Variants in CST3 observed in about 807,000 individuals in gnomAD.
CST3 encodes the protein cystatin C, also known as cystatin-C.
A neutral mutation model predicts 9.0 loss-of-function variants in CST3; 14 were observed. That is an observed-to-expected ratio of 1.56 (90% CI 1.03 to 2.44). The LOEUF (loss-of-function observed/expected upper bound fraction) is 2.44. CST3 is among the 30% of genes most tolerant of loss of function. The pLI, the probability that CST3 is intolerant of heterozygous loss-of-function variation, is 0.00. For missense variants in CST3, 237 were observed against 204.3 expected (o/e 1.16, Z -0.98); for synonymous variants, 96 against 90.2 (o/e 1.06, Z -0.37).
At chr20:23,637,369 C>CGCCA (rs564232075) in intron 1 of CST3, among the ~76,000 whole-genome samples, 290 of 152,334 alleles carry the variant, frequency 1.9e-3, no homozygotes, top group African/African-American at 6.8e-3. Context: ...GCAGCTCGAG[C>CGCCA]TGGCTCCTGG....
At position 23,635,505 on chromosome 20, in the gene CST3, C is replaced by G. The variant is rs1170302470; in HGVS notation, c.244-138G>C. The G allele has an allele frequency of 4.0e-6, 3 of 752,636 alleles. No individual in the cohort carries two copies. The African/African-American group carries it at 5.1e-5, about 13-fold the overall frequency. 46.6% of individuals were successfully genotyped at this position (752,636 alleles called of 1,614,324 possible). A position where few individuals can be genotyped will look rare whatever the true frequency, so the allele number is the denominator to read the frequency against. On this transcript the variant is annotated intron_variant, in intron 1 of 2. Coordinates refer to ENST00000376925, the MANE Select transcript of CST3 (RefSeq NM_000099.4). Reference sequence around the variant, plus strand: ...CTTCATGAGCTGCCCACATTGTCACCTGCAAGGCACACAAGCCACCTCCTC... The same window carrying G: ...CTTCATGAGCTGCCCACATTGTCACGTGCAAGGCACACAAGCCACCTCCTC...
chr20:23,634,155 C>T (rs528502685), intron 2 of CST3, among the ~76,000 whole-genome samples, 156 bp from the exon 3 acceptor site: 198 of 152,228 alleles, frequency 1.3e-3, no homozygotes, highest in African/African-American at 4.4e-3. Flanking sequence ...CCCAGAGCAC[C>T]GCTGGACTGG....
Position 23,633,815 on chromosome 20 carries a change from G to T in CST3, c.*101C>A. The T allele has an allele frequency of 2.0e-6, 2 of 1,004,036 alleles. No individual in the cohort carries two copies. The highest frequency in any genetic ancestry group is 3.2e-6 in the Non-Finnish European group (2 of 630,802). The allele number at this position is 1,004,036 out of a possible 1,614,324, so 62.2% of individuals were successfully genotyped here. On this transcript the variant is annotated 3_prime_UTR_variant, in exon 3 of 3. Coordinates refer to ENST00000376925, the MANE Select transcript of CST3 (RefSeq NM_000099.4). ...GTCTCCTGGTGCAGGCACATGGGGA[G>T]ACCTTCCCCAAGGCAGGGGCCACCA... is the stretch of plus-strand genomic sequence containing the variant.
In CST3 at chr20:23,635,156, C is replaced by A. The variant is rs551047299; in HGVS notation, c.357+98G>T. The A allele has an allele frequency of 1.1e-3, 1,138 of 1,065,174 alleles. 2 individuals are homozygous for A. The highest frequency in any genetic ancestry group is 1.8e-3 in the Middle Eastern group (9 of 5,022). The allele number at this position is 1,065,174 out of a possible 1,614,324, so 66.0% of individuals were successfully genotyped here. A position where few individuals can be genotyped will look rare whatever the true frequency, so the allele number is the denominator to read the frequency against. ...ACGTGTACACACACTCAGGCACATG[C>A]ACACGTACCCTGCAGAACATGTGCA... On this transcript the variant is annotated intron_variant, in intron 2 of 2. Transcript: ENST00000376925.
exon 4 of CST3, chr20:23,627,269 A>G (rs1479825427): frequency 1.3e-5 from 2 of 152,162 alleles, no homozygotes; most frequent in African/African-American, 4.8e-5. Flanking sequence ...TATAAATTGA[A>G]TCATATTGTA....
chr20:23,635,849 T>C (rs1979652269), intron 1 of CST3, among the ~76,000 whole-genome samples: 1 of 152,212 alleles, frequency 6.6e-6, no homozygotes, highest in South Asian at 2.1e-4. Context: ...CCAGGTGTGA[T>C]TTTCAAGGCA....
intron 1 of CST3, 54 bp downstream of exon 1, chr20:23,637,566 G>T: frequency 7.0e-7 from 1 of 1,418,692 alleles, no homozygotes; most frequent in Non-Finnish European, 9.2e-7. Context: ...CAGCGCGGGG[G>T]GAGGCTGGGA....
downstream of CST3, among the ~76,000 whole-genome samples, chr20:23,632,506 G>T (rs1052472002): frequency 6.6e-6 from 1 of 152,140 alleles, no homozygotes; most frequent in Non-Finnish European, 1.5e-5. Context: ...TCACCCCAAA[G>T]ACCCTGTTAA....
chr20:23,636,858 G>A (rs1203534747), intron 1 of CST3, among the ~76,000 whole-genome samples: 1 of 152,228 alleles, frequency 6.6e-6, no homozygotes, highest in Admixed American at 6.5e-5. Context: ...TCAACAGACA[G>A]GGAAAGCTGA....
intron 1 of CST3, among the ~76,000 whole-genome samples, chr20:23,636,000 C>A (rs998309254): frequency 6.6e-5 from 10 of 152,242 alleles, no homozygotes; most frequent in Non-Finnish European, 1.3e-4. Flanking sequence ...GACCCTGGGA[C>A]CAGGGTGCTA....
chr20:23,627,939 G>C (rs533799274), exon 4 of CST3: 1 of 152,024 alleles, frequency 6.6e-6, no homozygotes, highest in Non-Finnish European at 1.5e-5. Context: ...TTTTTAAAAA[G>C]AATTTTTAAT....
chr20:23,633,129 TAC>T (rs1979511230), downstream of CST3, among the ~76,000 whole-genome samples: 1 of 152,150 alleles, frequency 6.6e-6, no homozygotes, highest in Admixed American at 6.5e-5. Context: ...CCTGCTCAGT[TAC>T]ACAGACAGGC....
At chr20:23,634,810 T>C (rs941328456) in intron 2 of CST3, among the ~76,000 whole-genome samples, 2 of 152,166 alleles carry the variant, frequency 1.3e-5, no homozygotes, top group Middle Eastern at 6.8e-3. Context: ...GGCATCTACA[T>C]GAACTCACCC....
chr20:23,634,425 G>C (rs928505519), intron 2 of CST3, among the ~76,000 whole-genome samples: 2 of 152,194 alleles, frequency 1.3e-5, no homozygotes, highest in Non-Finnish European at 2.9e-5. Flanking sequence ...ATAGCACATG[G>C]GGTGGTGAGG....
At chr20:23,637,481 G>A (rs902048987) in intron 1 of CST3, 139 bp downstream of exon 1, 4 of 861,998 alleles carry the variant, frequency 4.6e-6, no homozygotes, top group African/African-American at 1.8e-5. Context: ...GGGCTCGGGG[G>A]TGACAGCGAA....
chr20:23,637,435 G>A (rs1378472056), intron 1 of CST3, among the ~76,000 whole-genome samples, 185 bp downstream of exon 1: 1 of 152,216 alleles, frequency 6.6e-6, no homozygotes, highest in Non-Finnish European at 1.5e-5. Flanking sequence ...TTCCAGGCCA[G>A]GCCAGACTCA....
Position 23,636,180 on chromosome 20 carries a change from C to T in CST3, c.244-813G>A, listed in dbSNP as rs77339368. Among the ~76,000 whole-genome samples the T allele has an allele frequency of 4.6e-5, 7 of 152,314 alleles. No homozygotes were observed. In the South Asian group the frequency reaches 1.5e-3, roughly 32 times the overall value. ...GAGGTGCAGGCCAGCGGGGACCCTA[C>T]ACCAGGGAATGGCCCTCCTGTGCAG... On this transcript the variant is annotated intron_variant, in intron 1 of 2. Coordinates refer to ENST00000376925, the MANE Select transcript of CST3 (RefSeq NM_000099.4).
At position 23,633,877 on chromosome 20, in the gene CST3, A is replaced by C. The variant is rs760478171; in HGVS notation, c.*39T>G. On this transcript the variant is annotated 3_prime_UTR_variant, in exon 3 of 3. Coordinates refer to ENST00000376925, the MANE Select transcript of CST3 (RefSeq NM_000099.4). ...GGAATACAGGGGGTGGGAGGTGTGC[A>C]TAAGAGGTGATAGGCACAGGCCAGC... The C allele has an allele frequency of 3.9e-6, 6 of 1,528,126 alleles. No individual in the cohort carries two copies. Among genetic ancestry groups the C allele is most frequent in the East Asian group, 4.5e-5 (2 of 44,520 alleles). The allele number at this position is 1,528,126 out of a possible 1,614,324, so 94.7% of individuals were successfully genotyped here.
At position 23,633,922 on chromosome 20, in the gene CST3, G is replaced by A. The variant is rs201422446; in HGVS notation, c.435C>T (p.Asp145=). The part of the protein sequence containing the change: ...TMTLSKSTCQ[D]A ...GCCAGCCCGGTACAGACCCCTAGGC[G>A]TCCTGACAGGTGGATTTCGACAAGG... Residue 145 remains aspartate, a synonymous_variant, in exon 3 of 3, where the codon GAC becomes GAT. Transcript: ENST00000376925. 68 of 1,613,796 alleles carry A rather than the reference G, an allele frequency of 4.2e-5. No individual in the cohort carries two copies. The Middle Eastern group carries it at 4.9e-4, about 12-fold the overall frequency.
Sources: gnomAD v4.1 joint callset for allele counts (sites outside exome capture counted in the v4.1 genomes callset) on GRCh38, gnomAD v4.1.1 for gene constraint, MANE v1.5 for transcripts, NCBI Gene and HGNC (gene_info 2026-07-23, HGNC 2026-07-21) for gene names.